The following TMPRSS15 variants were observed in gnomAD, a reference collection of about 807,000 sequenced individuals.
TMPRSS15 encodes enteropeptidase.
A neutral mutation model predicts 125.3 loss-of-function variants in TMPRSS15; 128 were observed. The ratio of observed to expected loss-of-function variants is 1.02; its 90% CI spans 0.89 to 1.18. TMPRSS15 has a LOEUF of 1.18. Among genes scored for constraint, TMPRSS15 ranks in the 50% most tolerant of loss-of-function variants. The pLI is 0.00. For missense variants in TMPRSS15, 1,283 were observed against 1,212.7 expected (o/e 1.06, Z -0.86); for synonymous variants, 446 against 423.2 (o/e 1.05, Z -0.66).
chr21:18,326,482 C>T lies in TMPRSS15; in HGVS notation c.1871G>A (p.Arg624Lys). Residue 624 changes from arginine (R) to lysine (K), a missense_variant, in exon 16 of 25, where the codon AGA becomes AAA. Coordinates refer to ENST00000284885, the MANE Select transcript of TMPRSS15 (RefSeq NM_002772.3). ...AGTAAAGTTTGCTTTAAACCCTCCT[C>T]TTGCCAACACATCGTTAGTGATGAG... ...VLLITNDVLARGGFKANFTTG... is the reference protein window; with the variant it reads ...VLLITNDVLAKGGFKANFTTG... 5.0e-6 allele frequency: 8 copies of T among 1,614,192 alleles called. No individual in the cohort carries two copies. Among genetic ancestry groups the T allele is most frequent in the South Asian group, 1.1e-5 (1 of 91,086 alleles).
At chr21:18,426,212 A>C (rs1313950816) in intron 1 of TMPRSS15, among the ~76,000 whole-genome samples, 2 of 152,054 alleles carry the variant, frequency 1.3e-5, no homozygotes. Flanking sequence ...TAACTCACTT[A>C]ATCCTCATGT....
chr21:18,383,013 C>T (rs2075907145), intron 4 of TMPRSS15, among the ~76,000 whole-genome samples: 1 of 152,078 alleles, frequency 6.6e-6, no homozygotes, highest in South Asian at 2.1e-4. Flanking sequence ...AGGGATCAAA[C>T]TCATTGACTC....
At chr21:18,465,833 T>C (rs1235439765) in intron 1 of TMPRSS15, among the ~76,000 whole-genome samples, 2 of 152,216 alleles carry the variant, frequency 1.3e-5, no homozygotes, top group African/African-American at 4.8e-5. Context: ...ATGGCCATAC[T>C]GCCCAAAGTA....
At chr21:18,413,363 T>TTCCTTCCTTCCTTC (rs1569064084) in intron 1 of TMPRSS15, among the ~76,000 whole-genome samples, 12 of 117,118 alleles carry the variant, frequency 1.0e-4, no homozygotes, top group African/African-American at 3.7e-4. Context: ...TTCCTTCCTT[T>TTCCTTCCTTCCTTC]CCTTCCTTCC....
At chr21:18,326,672 A>C (rs935596622) in intron 15 of TMPRSS15, 100 bp from the exon 16 acceptor site, 1 of 1,385,418 alleles carries the variant, frequency 7.2e-7, no homozygotes, top group African/African-American at 1.4e-5. Context: ...GTAGGGCTAC[A>C]TGTTACATGG....
At chr21:18,285,637 G>T (rs970568869) in intron 21 of TMPRSS15, among the ~76,000 whole-genome samples, 12 of 152,192 alleles carry the variant, frequency 7.9e-5, no homozygotes, top group Non-Finnish European at 1.3e-4. Context: ...TAGTGTTGTT[G>T]CCAGAGAGTA....
intron 24 of TMPRSS15, among the ~76,000 whole-genome samples, chr21:18,272,251 C>T (rs1045870526): frequency 3.9e-5 from 6 of 152,092 alleles, no homozygotes; most frequent in Non-Finnish European, 7.4e-5. Flanking sequence ...TTTTAATAAT[C>T]GCCATTCTGA....
chr21:18,358,559 A>G (rs929230367), intron 8 of TMPRSS15, among the ~76,000 whole-genome samples: 1 of 151,872 alleles, frequency 6.6e-6, no homozygotes, highest in Non-Finnish European at 1.5e-5. Context: ...ACTTACCATG[A>G]GTTCACATGT....
At chr21:18,365,116 A>T in intron 7 of TMPRSS15, 24 bp downstream of exon 7, 3 of 1,588,876 alleles carry the variant, frequency 1.9e-6, no homozygotes, top group Non-Finnish European at 1.7e-6. Context: ...ACTTAAGAAC[A>T]GAAAATATAA....
chr21:18,352,508 C>T (rs1396117595), intron 10 of TMPRSS15, among the ~76,000 whole-genome samples: 1 of 151,950 alleles, frequency 6.6e-6, no homozygotes, highest in Admixed American at 6.6e-5. Flanking sequence ...ATGCAAAAAT[C>T]CATTTTATTT....
rs1339113983 is a variant in TMPRSS15 at position 18,270,035 on chromosome 21, A to T, written c.2994T>A (p.Pro998=). 6.2e-7 allele frequency: 1 copy of T among 1,613,998 alleles called. No homozygotes were observed. ...CCCTGGCATACACTCCGGGGCGATT[A>T]GGCAGGGCACACTTGTATCCAAATG... ...VTSFGYKCAL[P]NRPGVYARVS... Residue 998 remains proline, a synonymous_variant, in exon 25 of 25, where the codon CCT becomes CCA. Transcript: ENST00000284885.
chr21:18,358,672 C>G (rs1404158343), intron 8 of TMPRSS15, among the ~76,000 whole-genome samples: 1 of 151,760 alleles, frequency 6.6e-6, no homozygotes, highest in African/African-American at 2.4e-5. Flanking sequence ...TTTCTGCCTC[C>G]AACACTGTGA....
chr21:18,376,212 T>A (rs954165715), intron 5 of TMPRSS15, among the ~76,000 whole-genome samples: 4 of 150,588 alleles, frequency 2.7e-5, no homozygotes, highest in South Asian at 2.1e-4. Context: ...TTTTTTTTTT[T>A]AAATTTTATT....
At chr21:18,429,366 G>A (rs570370532) in intron 1 of TMPRSS15, among the ~76,000 whole-genome samples, 3 of 152,152 alleles carry the variant, frequency 2.0e-5, no homozygotes, top group Non-Finnish European at 4.4e-5. Flanking sequence ...GTTTTGAAAT[G>A]TGGGGACATG....
intron 1 of TMPRSS15, among the ~76,000 whole-genome samples, chr21:18,444,463 T>C (rs2076250487): frequency 6.6e-6 from 1 of 151,400 alleles, no homozygotes; most frequent in Non-Finnish European, 1.5e-5. Flanking sequence ...GAGGGGAACA[T>C]CCCACACTGG....
intron 16 of TMPRSS15, among the ~76,000 whole-genome samples, 171 bp downstream of exon 16, chr21:18,326,261 G>C (rs1000834017): frequency 3.9e-5 from 6 of 152,062 alleles, no homozygotes; most frequent in African/African-American, 1.2e-4. Context: ...AACGAACTCA[G>C]GTAACGGTAC....
chr21:18,273,116 C>A (rs1388555140), intron 24 of TMPRSS15, among the ~76,000 whole-genome samples: 4 of 152,098 alleles, frequency 2.6e-5, no homozygotes, highest in Non-Finnish European at 5.9e-5. Flanking sequence ...TAGAATATGG[C>A]TTGGAATGGT....
chr21:18,422,855 G>C (rs1283337762), intron 1 of TMPRSS15, among the ~76,000 whole-genome samples: 1 of 152,158 alleles, frequency 6.6e-6, no homozygotes, highest in African/African-American at 2.4e-5. Flanking sequence ...AAACTTGTGA[G>C]GGTTAGCAGG....
At chr21:18,369,088 T>G (rs903430766) in intron 6 of TMPRSS15, among the ~76,000 whole-genome samples, 1 of 151,764 alleles carries the variant, frequency 6.6e-6, no homozygotes, top group African/African-American at 2.4e-5. Context: ...TAGTGCAGCA[T>G]CAGAAAAAAA....
Sources: gnomAD v4.1 joint callset for allele counts (sites outside exome capture counted in the v4.1 genomes callset) on GRCh38, gnomAD v4.1.1 for gene constraint, MANE v1.5 for transcripts, NCBI Gene and HGNC (gene_info 2026-07-23, HGNC 2026-07-21) for gene names.